Variants in ATP6V0E1 observed in about 807,000 individuals in gnomAD.
ATP6V0E1 encodes the protein ATPase H+ transporting V0 subunit e1, also known as V-type proton ATPase subunit e 1.
A neutral mutation model predicts 11.6 loss-of-function variants in ATP6V0E1; 4 were observed. The ratio of observed to expected loss-of-function variants is 0.35; its 90% CI spans 0.17 to 0.79. The LOEUF is 0.79. ATP6V0E1 is among the 30% of genes least tolerant of loss of function. The probability of loss-of-function intolerance (pLI) is 0.54; values close to 1 mark genes in which losing one functional copy is unlikely to be tolerated. For synonymous variants in ATP6V0E1, 36 were observed against 34.8 expected (o/e 1.04, Z -0.13); for missense variants, 105 against 100.0 (o/e 1.05, Z -0.21).
intron 2 of ATP6V0E1, among the ~76,000 whole-genome samples, chr5:173,001,645 GC>G (rs1756155338): frequency 6.6e-6 from 1 of 151,988 alleles, no homozygotes; most frequent in African/African-American, 2.4e-5. Context: ...CAGCACTTTG[GC>G]TGATTGGTTT....
chr5:173,032,252 T>TA (rs1756673061), intron 3 of ATP6V0E1, among the ~76,000 whole-genome samples: 1 of 122,362 alleles, frequency 8.2e-6, no homozygotes, highest in African/African-American at 3.0e-5. Flanking sequence ...TATTTTATTT[T>TA]ATTTATTTAT....
chr5:172,987,282 C>CTTTTTTTTTTT (rs200416452), intron 1 of ATP6V0E1: 1 of 145,252 alleles, frequency 6.9e-6, no homozygotes. Flanking sequence ...CCTGCTATAA[C>CTTTTTTTTTTT]TTTTTTTTTT....
chr5:173,013,491 C>T (rs1322066880), intron 2 of ATP6V0E1, among the ~76,000 whole-genome samples: 5 of 148,292 alleles, frequency 3.4e-5, no homozygotes, highest in East Asian at 2.0e-4. Flanking sequence ...AGGAGAATGG[C>T]GTGAACCCGG....
chr5:173,008,019 G>T (rs1756255154), intron 2 of ATP6V0E1, among the ~76,000 whole-genome samples: 2 of 152,178 alleles, frequency 1.3e-5, no homozygotes, highest in Admixed American at 6.5e-5. Context: ...CCACGTTCTG[G>T]CCTCGAGCCA....
chr5:172,993,456 A>G (rs186411628), intron 1 of ATP6V0E1, among the ~76,000 whole-genome samples: 38 of 152,242 alleles, frequency 2.5e-4, no homozygotes, highest in African/African-American at 8.7e-4. Context: ...CAATGAGCCA[A>G]GATTGTGCCA....
At chr5:172,997,762 G>A (rs189147677) in intron 2 of ATP6V0E1, among the ~76,000 whole-genome samples, 108 of 150,450 alleles carry the variant, frequency 7.2e-4, no homozygotes, top group African/African-American at 2.2e-3. Context: ...GCAGTGAGCC[G>A]AGATTGCACC....
intron 2 of ATP6V0E1, among the ~76,000 whole-genome samples, chr5:173,016,027 A>G (rs2113603205): frequency 6.6e-6 from 1 of 152,274 alleles, no homozygotes; most frequent in Non-Finnish European, 1.5e-5. Context: ...CCCAGATTGT[A>G]GTATCTTTTA....
intron 2 of ATP6V0E1, among the ~76,000 whole-genome samples, chr5:173,013,182 TAAAAAA>T (rs1009194567): frequency 1.4e-5 from 2 of 145,234 alleles, no homozygotes; most frequent in Non-Finnish European, 3.0e-5. Flanking sequence ...ACACTTGTGT[TAAAAAA>T]AAGAAAAAAA....
intron 2 of ATP6V0E1, among the ~76,000 whole-genome samples, chr5:172,997,753 C>T (rs1756088901): frequency 6.6e-6 from 1 of 150,478 alleles, no homozygotes; most frequent in African/African-American, 2.4e-5. Context: ...GCGGAGCTTG[C>T]AGTGAGCCGA....
chr5:173,012,761 A>G (rs1337076475), intron 2 of ATP6V0E1, among the ~76,000 whole-genome samples: 2 of 152,094 alleles, frequency 1.3e-5, no homozygotes, highest in Non-Finnish European at 2.9e-5. Flanking sequence ...TCTCAAAAAA[A>G]AAAAAAAGAA....
chr5:173,009,300 T>A (rs1002069081), intron 2 of ATP6V0E1, among the ~76,000 whole-genome samples: 38 of 152,086 alleles, frequency 2.5e-4, no homozygotes, highest in African/African-American at 8.4e-4. Context: ...TGGCACCTCA[T>A]GCCTGCAATC....
chr5:172,996,481 GA>G lies in ATP6V0E1; in HGVS notation c.152+1661del, dbSNP rs2113585049. Among the ~76,000 whole-genome samples, 3 of 151,896 alleles carry G rather than the reference GA, an allele frequency of 2.0e-5. No individual in the cohort carries two copies. In the East Asian group the frequency reaches 5.8e-4, roughly 29 times the overall value. ...GGAGGCTGAGGCAGGAGAATCACTT[GA>G]ACCCTGGAGGCAGAGGTTGCAGTGA... On this transcript the variant is annotated intron_variant, in intron 2 of 3. Coordinates refer to ENST00000519374, the MANE Select transcript of ATP6V0E1 (RefSeq NM_003945.4).
rs111742329 is a variant in ATP6V0E1 at position 173,020,489 on chromosome 5, G to T, written c.*36+122G>T. ...AGGGCAAGCTGCTGAATGCAAACAC[G>T]ATCTGAAGAGCAGAAATAAAATTGG... On this transcript the variant is annotated intron_variant, in intron 3 of 3. Coordinates refer to ENST00000519374, the MANE Select transcript of ATP6V0E1 (RefSeq NM_003945.4). 17 of 614,718 alleles carry T rather than the reference G, an allele frequency of 2.8e-5. 1 individual carries two copies. Among genetic ancestry groups the T allele is most frequent in the African/African-American group, 9.2e-5 (5 of 54,132 alleles). 38.1% of individuals were successfully genotyped at this position (614,718 alleles called of 1,614,324 possible).
At chr5:173,007,975 A>T (rs1756254137) in intron 2 of ATP6V0E1, among the ~76,000 whole-genome samples, 1 of 152,128 alleles carries the variant, frequency 6.6e-6, no homozygotes, top group African/African-American at 2.4e-5. Context: ...TTCTGAAGTT[A>T]TTGCCAGGCC....
At chr5:173,009,750 C>T (rs1756288646) in intron 2 of ATP6V0E1, among the ~76,000 whole-genome samples, 1 of 150,482 alleles carries the variant, frequency 6.6e-6, no homozygotes, top group Non-Finnish European at 1.5e-5. Flanking sequence ...AGGCGTGAGC[C>T]ACTGCGCCTG....
chr5:172,985,374 T>C (rs1238273167), intron 1 of ATP6V0E1, among the ~76,000 whole-genome samples: 1 of 152,150 alleles, frequency 6.6e-6, no homozygotes, highest in Non-Finnish European at 1.5e-5. Context: ...AAAAGATACA[T>C]GGTAGATGAA....
chr5:173,011,175 CTTTTTT>C (rs754605378), intron 2 of ATP6V0E1, among the ~76,000 whole-genome samples: 97 of 114,700 alleles, frequency 8.5e-4, no homozygotes, highest in Non-Finnish European at 1.0e-3. Context: ...CCTGATTTAT[CTTTTTT>C]TTTTTTTTTT....
At chr5:173,011,305 G>A (rs747499381) in intron 2 of ATP6V0E1, among the ~76,000 whole-genome samples, 44 of 151,208 alleles carry the variant, frequency 2.9e-4, no homozygotes, top group Non-Finnish European at 5.0e-4. Context: ...AGCTTCCTGA[G>A]TAGCTGGGAC....
chr5:172,998,333 G>A (rs1466347583), intron 2 of ATP6V0E1, among the ~76,000 whole-genome samples: 1 of 149,996 alleles, frequency 6.7e-6, no homozygotes, highest in Admixed American at 6.6e-5. Context: ...GAAGCCTGGT[G>A]TGGTGGCTCA....
Sources: gnomAD v4.1 joint callset for allele counts (sites outside exome capture counted in the v4.1 genomes callset) on GRCh38, gnomAD v4.1.1 for gene constraint, MANE v1.5 for transcripts, NCBI Gene and HGNC (gene_info 2026-07-23, HGNC 2026-07-21) for gene names.